Variants in L3MBTL3 observed in about 807,000 individuals in gnomAD.
The protein encoded by L3MBTL3 is lethal(3)malignant brain tumor-like protein 3.
L3MBTL3 carries 27 observed loss-of-function variants against 102.3 expected under a neutral mutation model. The ratio of observed to expected loss-of-function variants is 0.26; its 90% CI spans 0.19 to 0.36. The LOEUF is 0.36. Among genes scored for constraint, L3MBTL3 ranks in the 10% least tolerant of loss-of-function variants. L3MBTL3 has a pLI of 1.00. For synonymous variants in L3MBTL3, 340 were observed against 320.9 expected, an observed-to-expected ratio of 1.06 and a Z score of -0.64; for missense variants, 798 against 955.3, an observed-to-expected ratio of 0.84 and a Z score of 2.17.
chr6:130,057,602 TCAG>T (rs1245112001), intron 9 of L3MBTL3, 105 bp downstream of exon 9: 5 of 940,356 alleles, frequency 5.3e-6, no homozygotes, highest in Admixed American at 2.5e-5. Flanking sequence ...GATCATTTTC[TCAG>T]CATACAGTTT....
At chr6:130,027,724 T>C (rs1779443092) in intron 2 of L3MBTL3, among the ~76,000 whole-genome samples, 1 of 152,186 alleles carries the variant, frequency 6.6e-6, no homozygotes, top group Admixed American at 6.5e-5. Context: ...AAGATACTAC[T>C]TTTAGCATTA....
At chr6:130,090,682 A>G (rs1783989284) in intron 16 of L3MBTL3, among the ~76,000 whole-genome samples, 1 of 151,988 alleles carries the variant, frequency 6.6e-6, no homozygotes, top group South Asian at 2.1e-4. Flanking sequence ...TGTAGCCTCA[A>G]CCTCCCAGGC....
rs1322054875 is a variant in L3MBTL3, at chr6:130,140,579, T to C, written c.*826T>C. On this transcript the variant is annotated 3_prime_UTR_variant, in exon 23 of 23. Transcript: ENST00000361794. ...CAGATGGTGTCAGAGGAGTACGCAGTTGTATGCAGTTATGGTTGGGGGGAA... is the reference window on the plus strand; with the variant it reads ...CAGATGGTGTCAGAGGAGTACGCAGCTGTATGCAGTTATGGTTGGGGGGAA... 1 of 152,188 alleles carries C rather than the reference T, an allele frequency of 6.6e-6. No individual in the cohort carries two copies. The highest frequency in any genetic ancestry group is 2.4e-5 in the African/African-American group (1 of 41,428). 9.4% of individuals were successfully genotyped at this position (152,188 alleles called of 1,614,324 possible). A position where few individuals can be genotyped will look rare whatever the true frequency, so the allele number is the denominator to read the frequency against.
intron 20 of L3MBTL3, among the ~76,000 whole-genome samples, chr6:130,121,277 T>C (rs1296723059): frequency 6.6e-6 from 1 of 152,128 alleles, no homozygotes; most frequent in African/African-American, 2.4e-5. Context: ...TTCTTCGTGT[T>C]TGTAGGTTCT....
chr6:130,029,965 A>G (rs2114540977), intron 2 of L3MBTL3, among the ~76,000 whole-genome samples: 1 of 152,260 alleles, frequency 6.6e-6, no homozygotes, highest in South Asian at 2.1e-4. Context: ...CTGGGACTAG[A>G]GGCATGCACC....
chr6:130,134,653 T>C (rs897773843), intron 22 of L3MBTL3, among the ~76,000 whole-genome samples: 153 of 152,338 alleles, frequency 1.0e-3, no homozygotes, highest in African/African-American at 3.4e-3. Flanking sequence ...CCCTCTGATT[T>C]TGGCTGTGTC....
At chr6:130,053,016 G>T in intron 7 of L3MBTL3, 25 bp downstream of exon 7, 1 of 1,554,092 alleles carries the variant, frequency 6.4e-7, no homozygotes, top group South Asian at 1.1e-5. Flanking sequence ...CTGACACCAG[G>T]AGCACAGGGA....
chr6:130,093,022 TA>T (rs1380174751), intron 17 of L3MBTL3, among the ~76,000 whole-genome samples, 163 bp downstream of exon 17: 31 of 152,132 alleles, frequency 2.0e-4, no homozygotes, highest in Non-Finnish European at 1.5e-4. Flanking sequence ...GTCACAGAAA[TA>T]TAAATGGAAA....
chr6:130,108,951 G>T (rs886885221), intron 19 of L3MBTL3, among the ~76,000 whole-genome samples: 1 of 152,216 alleles, frequency 6.6e-6, no homozygotes, highest in African/African-American at 2.4e-5. Flanking sequence ...GTGAGAACGT[G>T]TGGTGTTTGG....
chr6:130,113,896 T>C (rs570534756), intron 19 of L3MBTL3, among the ~76,000 whole-genome samples: 13 of 152,304 alleles, frequency 8.5e-5, no homozygotes, highest in South Asian at 4.1e-4. Flanking sequence ...TCACATCAAA[T>C]AGAATAAAAT....
In L3MBTL3 at chr6:130,070,990, G is replaced by A. The variant is rs560895307; in HGVS notation, c.1107G>A (p.Ser369=). 42 of 1,612,838 alleles carry A rather than the reference G, an allele frequency of 2.6e-5. 1 individual carries two copies. The highest frequency in any genetic ancestry group is 1.7e-4 in the African/African-American group (13 of 74,796). The change falls in exon 13 of 23, where the codon TCG becomes TCA. Residue 369 remains serine, a synonymous_variant. Coordinates refer to ENST00000361794, the MANE Select transcript of L3MBTL3 (RefSeq NM_032438.4). ...TGTTTCCATAGACAGTGATCCCATC[G>A]GGCTTTCGAGTTGGTATGAAGCTTG... ...FENQNITVIP[S]GFRVGMKLEA... is the part of the protein sequence containing the mutation.
At chr6:130,022,918 T>G (rs1779102465) in intron 2 of L3MBTL3, among the ~76,000 whole-genome samples, 1 of 152,212 alleles carries the variant, frequency 6.6e-6, no homozygotes, top group Non-Finnish European at 1.5e-5. Flanking sequence ...TTTAGTAATT[T>G]TGGAGGGTGT....
At chr6:130,095,287 G>T (rs1337152151) in intron 18 of L3MBTL3, among the ~76,000 whole-genome samples, 1 of 152,026 alleles carries the variant, frequency 6.6e-6, no homozygotes, top group East Asian at 1.9e-4. Context: ...GTATTAATAG[G>T]AATTGCAAAA....
At chr6:130,116,692 A>G (rs1785705230) in intron 19 of L3MBTL3, among the ~76,000 whole-genome samples, 1 of 152,056 alleles carries the variant, frequency 6.6e-6, no homozygotes, top group African/African-American at 2.4e-5. Context: ...TTGAGGTTAC[A>G]GTGAGCTAAT....
intron 20 of L3MBTL3, among the ~76,000 whole-genome samples, chr6:130,122,296 T>C (rs1260755686): frequency 6.6e-6 from 1 of 152,230 alleles, no homozygotes; most frequent in African/African-American, 2.4e-5. Context: ...CTGATTTTCA[T>C]AAAGCAACCA....
At chr6:130,019,209 G>A (rs1293726057) in intron 1 of L3MBTL3, among the ~76,000 whole-genome samples, 1 of 149,876 alleles carries the variant, frequency 6.7e-6, no homozygotes, top group Non-Finnish European at 1.5e-5. Flanking sequence ...GCGGGGTGGG[G>A]GAGCGCGGCG....
intron 1 of L3MBTL3, among the ~76,000 whole-genome samples, chr6:130,021,257 C>T (rs758458830): frequency 6.6e-6 from 1 of 152,222 alleles, no homozygotes; most frequent in Non-Finnish European, 1.5e-5. Flanking sequence ...TTCGGAAGGC[C>T]GAGAGCAAAG....
chr6:130,074,919 G>A (rs1170465634), intron 13 of L3MBTL3, among the ~76,000 whole-genome samples: 5 of 152,182 alleles, frequency 3.3e-5, no homozygotes, highest in Non-Finnish European at 2.9e-5. Context: ...TGTAAGTGTA[G>A]TGTAAACTTT....
At chr6:130,029,703 A>T (rs1265462171) in intron 2 of L3MBTL3, among the ~76,000 whole-genome samples, 1 of 151,782 alleles carries the variant, frequency 6.6e-6, no homozygotes, top group African/African-American at 2.4e-5. Context: ...GCCTTTTTTG[A>T]TGTAAAGGTA....
Sources: allele counts gnomAD v4.1 joint callset (sites outside exome capture counted in the v4.1 genomes callset), GRCh38; gene constraint gnomAD v4.1.1; transcripts MANE v1.5; gene names NCBI Gene and HGNC (gene_info 2026-07-23, HGNC 2026-07-21).